Variants in TTLL5 observed in about 807,000 individuals in gnomAD.
TTLL5 encodes tubulin tyrosine ligase like 5, also known as tubulin polyglutamylase TTLL5.
TTLL5 carries 132 observed loss-of-function variants against 168.4 expected under a neutral mutation model. That is an observed-to-expected ratio of 0.78 (90% CI 0.68 to 0.91). The LOEUF (loss-of-function observed/expected upper bound fraction) is 0.91. Ranked by LOEUF, TTLL5 falls within the 40% of genes least tolerant of loss-of-function variation. TTLL5 has a pLI of 0.00. For synonymous variants in TTLL5, 546 were observed against 558.6 expected, an observed-to-expected ratio of 0.98 and a Z score of 0.32; for missense variants, 1,545 against 1,581.5, an observed-to-expected ratio of 0.98 and a Z score of 0.39.
At position 75,904,244 on chromosome 14, in the gene TTLL5, T is replaced by TG. The variant is rs974119896; in HGVS notation, c.3823+2022dup. ...AAAGAAAAAAAGAATTACTAGAACA[T>TG]GGTAGTTAACTATATTTTTAAGAAA... On this transcript the variant is annotated intron_variant, in intron 31 of 31. Transcript: ENST00000298832. 382 of 1,166,066 alleles carry TG rather than the reference T, an allele frequency of 3.3e-4. 1 individual carries two copies. The highest frequency in any genetic ancestry group is 4.1e-4 in the Non-Finnish European group (376 of 927,984). The allele number at this position is 1,166,066 out of a possible 1,614,324, so 72.2% of individuals were successfully genotyped here.
At chr14:75,903,921 G>A (rs956234578) in intron 31 of TTLL5, among the ~76,000 whole-genome samples, 26 of 149,810 alleles carry the variant, frequency 1.7e-4, no homozygotes, top group African/African-American at 6.1e-4. Flanking sequence ...AAAAAAGCCA[G>A]TTACTTGACT....
At chr14:75,727,349 A>G (rs1326178282) in intron 12 of TTLL5, among the ~76,000 whole-genome samples, 1 of 152,232 alleles carries the variant, frequency 6.6e-6, no homozygotes, top group Non-Finnish European at 1.5e-5. Flanking sequence ...ATGGAATACT[A>G]CTCAGCTAGA....
chr14:75,905,424 A>G (rs1197551754), intron 31 of TTLL5, among the ~76,000 whole-genome samples: 1 of 152,190 alleles, frequency 6.6e-6, no homozygotes, highest in Non-Finnish European at 1.5e-5. Flanking sequence ...GTCCTTTCCT[A>G]TAGATGGTGG....
intron 27 of TTLL5, among the ~76,000 whole-genome samples, chr14:75,798,790 G>C (rs562492245): frequency 1.1e-4 from 16 of 152,154 alleles, no homozygotes; most frequent in African/African-American, 3.6e-4. Context: ...TCCTTTTGGA[G>C]TTGATTTCCA....
intron 1 of TTLL5, among the ~76,000 whole-genome samples, chr14:75,662,367 C>T (rs1299436469): frequency 1.2e-4 from 18 of 151,580 alleles, no homozygotes; most frequent in African/African-American, 3.9e-4. Flanking sequence ...TCTTGTTGCC[C>T]AGGCTGGAGT....
chr14:75,849,472 G>T lies in TTLL5; in HGVS notation c.3327-14195G>T, dbSNP rs148913296. Among the ~76,000 whole-genome samples, 10 of 152,300 alleles carry T rather than the reference G, an allele frequency of 6.6e-5. No homozygotes were observed. The East Asian group carries it at 1.9e-3, about 29-fold the overall frequency. ...TAATGCACAAAGAAGGAGGTCATATGCTGGGAAAAGAAGGAAGAGATAGAA... is the reference window on the plus strand; with the variant it reads ...TAATGCACAAAGAAGGAGGTCATATTCTGGGAAAAGAAGGAAGAGATAGAA... On this transcript the variant is annotated intron_variant, in intron 28 of 31. Transcript: ENST00000298832.
intron 28 of TTLL5, among the ~76,000 whole-genome samples, chr14:75,826,332 CG>C (rs1190358263): frequency 1.3e-5 from 2 of 150,562 alleles, no homozygotes; most frequent in East Asian, 3.9e-4. Flanking sequence ...CACACACACA[CG>C]AGTCTTTGTT....
chr14:75,914,031 A>T lies in TTLL5; in HGVS notation c.3823+11807A>T, dbSNP rs866092143. ...CTGTTTAAAAGGAAAAAAAAAAAAAAAAATATATATATATATATATATATT... is the reference window on the plus strand; with the variant it reads ...CTGTTTAAAAGGAAAAAAAAAAAAATAAATATATATATATATATATATATT... On this transcript the variant is annotated intron_variant, in intron 31 of 31. Transcript: ENST00000298832. 7.4e-3 allele frequency among the ~76,000 whole-genome samples: 569 copies of T among 77,250 alleles called. 36 individuals are homozygous for T. The highest frequency in any genetic ancestry group is 0.061 in the African/African-American group (357 of 5,808). The allele number at this position is 77,250 out of a possible 152,430, so 50.7% of individuals were successfully genotyped here.
chr14:75,743,281 T>C (rs1189959824), intron 15 of TTLL5, among the ~76,000 whole-genome samples: 2 of 152,146 alleles, frequency 1.3e-5, no homozygotes, highest in Non-Finnish European at 2.9e-5. Flanking sequence ...GTCTCTCTTG[T>C]GTCCAAAGAT....
At chr14:75,776,321 G>A (rs1020808679) in intron 22 of TTLL5, among the ~76,000 whole-genome samples, 4 of 152,184 alleles carry the variant, frequency 2.6e-5, no homozygotes, top group African/African-American at 9.7e-5. Flanking sequence ...TTATATAAGT[G>A]AAGAATTTAT....
intron 15 of TTLL5, among the ~76,000 whole-genome samples, chr14:75,737,899 C>T (rs111229457): frequency 6.3e-4 from 96 of 152,172 alleles, no homozygotes; most frequent in African/African-American, 2.2e-3. Context: ...ATCACTTTGA[C>T]CAAAATAATC....
intron 20 of TTLL5, among the ~76,000 whole-genome samples, chr14:75,767,549 A>G (rs928869731): frequency 2.0e-5 from 3 of 152,250 alleles, no homozygotes; most frequent in African/African-American, 4.8e-5. Context: ...AAGCCCAGAC[A>G]TCGTAATGAG....
Position 75,706,278 on chromosome 14 carries a change from A to T in TTLL5, c.586-740A>T, listed in dbSNP as rs190618208. On this transcript the variant is annotated intron_variant, in intron 7 of 31. Transcript: ENST00000298832. ...GCTGCTTTGTGTTCTTTTAAATTCT[A>T]TATTTTGCTGTTCCTCTACCTAAAT... is the stretch of plus-strand genomic sequence containing the variant. 2.3e-3 allele frequency among the ~76,000 whole-genome samples: 350 copies of T among 152,254 alleles called. 3 individuals carry two copies. Among genetic ancestry groups the T allele is most frequent in the African/African-American group, 7.6e-3 (314 of 41,558 alleles).
At chr14:75,907,208 A>G (rs2033180892) in intron 31 of TTLL5, among the ~76,000 whole-genome samples, 1 of 152,200 alleles carries the variant, frequency 6.6e-6, no homozygotes, top group African/African-American at 2.4e-5. Context: ...TTAAATAAAC[A>G]TATGCTATAA....
At chr14:75,925,128 G>A (rs1337267643) in intron 31 of TTLL5, among the ~76,000 whole-genome samples, 3 of 147,358 alleles carry the variant, frequency 2.0e-5, no homozygotes, top group Admixed American at 6.7e-5. Flanking sequence ...GCGGCTGGCC[G>A]GGCGGGTGGC....
At chr14:75,852,570 A>G (rs1023782474) in intron 28 of TTLL5, among the ~76,000 whole-genome samples, 3 of 152,170 alleles carry the variant, frequency 2.0e-5, no homozygotes, top group African/African-American at 7.2e-5. Flanking sequence ...AACTCTTCCC[A>G]TAGAAGAACC....
chr14:75,923,221 CTGA>C (rs2033892091), intron 31 of TTLL5, among the ~76,000 whole-genome samples: 1 of 152,110 alleles, frequency 6.6e-6, no homozygotes, highest in Non-Finnish European at 1.5e-5. Flanking sequence ...CAGTTCTGCT[CTGA>C]TGTTAGTTAT....
intron 9 of TTLL5, among the ~76,000 whole-genome samples, chr14:75,717,463 C>T (rs1038661975): frequency 1.3e-5 from 2 of 152,168 alleles, no homozygotes; most frequent in Non-Finnish European, 2.9e-5. Context: ...CAGTATCCTA[C>T]ACACAATTTC....
chr14:75,877,418 T>C (rs780820553), intron 29 of TTLL5, among the ~76,000 whole-genome samples: 6 of 152,222 alleles, frequency 3.9e-5, no homozygotes, highest in Non-Finnish European at 8.8e-5. Context: ...TTCCCACCCA[T>C]GAGCACCCTT....
Sources: gnomAD v4.1 joint callset for allele counts (sites outside exome capture counted in the v4.1 genomes callset) on GRCh38, gnomAD v4.1.1 for gene constraint, MANE v1.5 for transcripts, NCBI Gene and HGNC (gene_info 2026-07-23, HGNC 2026-07-21) for gene names.